The following PHYHIPL variants were observed in gnomAD, a reference collection of about 807,000 sequenced individuals.
PHYHIPL encodes the protein phytanoyl-CoA 2-hydroxylase interacting protein like, also known as phytanoyl-CoA hydroxylase-interacting protein-like.
Under a neutral mutation model 33.4 loss-of-function variants are expected in PHYHIPL, and 9 were observed. The ratio of observed to expected loss-of-function variants is 0.27; its 90% CI spans 0.16 to 0.47. The LOEUF is 0.47. Ranked by LOEUF, PHYHIPL falls within the 20% of genes least tolerant of loss-of-function variation. PHYHIPL has a pLI of 0.99. For synonymous variants in PHYHIPL, 153 were observed against 154.1 expected (o/e 0.99, Z 0.05); for missense variants, 365 against 460.7 (o/e 0.79, Z 1.90).
chr10:59,220,706 C>A (rs573336859), intron 1 of PHYHIPL, among the ~76,000 whole-genome samples: 1 of 152,076 alleles, frequency 6.6e-6, no homozygotes, highest in African/African-American at 2.4e-5. Flanking sequence ...ACAAATAGTT[C>A]TAGAGCAACT....
At chr10:59,196,342 A>G (rs916071682) in intron 1 of PHYHIPL, among the ~76,000 whole-genome samples, 4 of 150,792 alleles carry the variant, frequency 2.7e-5, no homozygotes, top group African/African-American at 9.7e-5. Context: ...TCTATAATGT[A>G]CATAATATAT....
chr10:59,232,629 G>A (rs1840111829), intron 1 of PHYHIPL, among the ~76,000 whole-genome samples: 1 of 151,828 alleles, frequency 6.6e-6, no homozygotes, highest in Non-Finnish European at 1.5e-5. Flanking sequence ...CCATTAAATT[G>A]AATCAAATGC....
intron 4 of PHYHIPL, among the ~76,000 whole-genome samples, chr10:59,243,856 A>T (rs1211662672): frequency 6.6e-6 from 1 of 152,146 alleles, no homozygotes; most frequent in Non-Finnish European, 1.5e-5. Flanking sequence ...GGGTTACGGT[A>T]ACAAATAGGG....
chr10:59,224,177 A>G (rs1367862405), intron 1 of PHYHIPL, among the ~76,000 whole-genome samples: 1 of 152,196 alleles, frequency 6.6e-6, no homozygotes. Flanking sequence ...TTATATGGAT[A>G]ATAAATACTC....
chr10:59,182,303 A>G (rs1215678388), intron 1 of PHYHIPL, among the ~76,000 whole-genome samples: 1 of 152,160 alleles, frequency 6.6e-6, no homozygotes. Flanking sequence ...TTTTTACTAT[A>G]AAACCTATAC....
In PHYHIPL at chr10:59,234,515, A is replaced by G. The variant is rs774141142; in HGVS notation, c.303+15A>G. ...TTAAACACAAGGTAAAATCTAACAA[A>G]TACTCATGCTAATTTGCATCTTAAA... is the stretch of plus-strand genomic sequence containing the variant. On this transcript the variant is annotated intron_variant, in intron 2 of 4. Coordinates refer to ENST00000373880, the MANE Select transcript of PHYHIPL (RefSeq NM_032439.4). The G allele has an allele frequency of 2.3e-5, 35 of 1,499,448 alleles. 1 individual carries two copies. The highest frequency in any genetic ancestry group is 2.5e-5 in the East Asian group (1 of 40,604). 92.9% of individuals were successfully genotyped at this position (1,499,448 alleles called of 1,614,324 possible).
chr10:59,220,380 C>G (rs1414171518), intron 1 of PHYHIPL, among the ~76,000 whole-genome samples: 1 of 151,990 alleles, frequency 6.6e-6, no homozygotes, highest in East Asian at 1.9e-4. Flanking sequence ...GGACCAGAAA[C>G]CAAGCTTCTC....
chr10:59,186,046 T>G (rs1838590445), intron 1 of PHYHIPL, among the ~76,000 whole-genome samples: 1 of 152,230 alleles, frequency 6.6e-6, no homozygotes, highest in African/African-American at 2.4e-5. Context: ...TGTCCATGCC[T>G]ATGTCCTGAA....
intron 1 of PHYHIPL, among the ~76,000 whole-genome samples, chr10:59,191,155 A>G (rs979072364): frequency 1.3e-5 from 2 of 151,902 alleles, no homozygotes; most frequent in African/African-American, 4.8e-5. Flanking sequence ...ACGATTTCTG[A>G]ATTTACCTAG....
At chr10:59,234,965 C>T (rs1284520817) in intron 2 of PHYHIPL, among the ~76,000 whole-genome samples, 2 of 151,808 alleles carry the variant, frequency 1.3e-5, no homozygotes, top group Admixed American at 1.3e-4. Flanking sequence ...TGAATTGTTA[C>T]TAGTTTCTAC....
chr10:59,235,315 T>G (rs1368958660), intron 2 of PHYHIPL, among the ~76,000 whole-genome samples: 1 of 151,904 alleles, frequency 6.6e-6, no homozygotes, highest in African/African-American at 2.4e-5. Context: ...ATATCTTTTC[T>G]GATATATCTC....
chr10:59,179,613 A>C (rs1838345110), intron 1 of PHYHIPL, among the ~76,000 whole-genome samples: 1 of 152,162 alleles, frequency 6.6e-6, no homozygotes, highest in African/African-American at 2.4e-5. Context: ...GTATCAACCA[A>C]GAGTTATGCC....
intron 1 of PHYHIPL, chr10:59,221,617 G>A: frequency 1.1e-6 from 1 of 914,218 alleles, no homozygotes; most frequent in Non-Finnish European, 1.3e-6. Flanking sequence ...CCTTAATTTT[G>A]TGCTGCTTCT....
At chr10:59,198,248 T>A (rs180789848) in intron 1 of PHYHIPL, among the ~76,000 whole-genome samples, 203 of 150,596 alleles carry the variant, frequency 1.3e-3, no homozygotes, top group Non-Finnish European at 2.4e-3. Context: ...TTCCCCTTCC[T>A]GTGTCCAAGT....
intron 1 of PHYHIPL, among the ~76,000 whole-genome samples, chr10:59,232,918 G>A (rs147249731): frequency 8.3e-4 from 126 of 151,920 alleles, no homozygotes; most frequent in African/African-American, 2.8e-3. Context: ...CCATTATAAG[G>A]ATTTCACTTG....
intron 1 of PHYHIPL, among the ~76,000 whole-genome samples, chr10:59,207,735 C>CA (rs1359716076): frequency 2.0e-5 from 3 of 151,874 alleles, no homozygotes; most frequent in African/African-American, 4.8e-5. Flanking sequence ...ACTAAAAATA[C>CA]AAAAAATTAG....
intron 4 of PHYHIPL, among the ~76,000 whole-genome samples, chr10:59,243,535 AT>A (rs1267696383): frequency 2.0e-4 from 30 of 152,240 alleles, no homozygotes; most frequent in Non-Finnish European, 4.0e-4. Flanking sequence ...AACTGTGACA[AT>A]TTTTTGGTCT....
Position 59,226,098 on chromosome 10 carries a change from G to T in PHYHIPL, c.107-8206G>T, listed in dbSNP as rs1839914837. Among the ~76,000 whole-genome samples the T allele has an allele frequency of 2.0e-5, 3 of 152,044 alleles. No homozygotes were observed. In the South Asian group the frequency reaches 6.2e-4, roughly 32 times the overall value. The stretch of plus-strand genomic sequence containing the variant: ...TGGGTTTAATGAAACAAAGATGAAA[G>T]ATTAGTTAAGATAATAAACTAATAT... On this transcript the variant is annotated intron_variant, in intron 1 of 4. Coordinates refer to ENST00000373880, the MANE Select transcript of PHYHIPL (RefSeq NM_032439.4).
rs917872453 is a variant in PHYHIPL at position 59,180,200 on chromosome 10, C to T, written c.106+3241C>T. 8.8e-5 allele frequency among the ~76,000 whole-genome samples: 13 copies of T among 147,586 alleles called. No homozygotes were observed. The East Asian group carries it at 2.4e-3, about 28-fold the overall frequency. On this transcript the variant is annotated intron_variant, in intron 1 of 4. Transcript: ENST00000373880. ...GACCTGTGACAAGACAAAACAGCTCCCACCCCACACACAGAATTTTATATT... is the reference window on the plus strand; with the variant it reads ...GACCTGTGACAAGACAAAACAGCTCTCACCCCACACACAGAATTTTATATT...
Sources: gnomAD v4.1 joint callset for allele counts (sites outside exome capture counted in the v4.1 genomes callset) on GRCh38, gnomAD v4.1.1 for gene constraint, MANE v1.5 for transcripts, NCBI Gene and HGNC (gene_info 2026-07-23, HGNC 2026-07-21) for gene names.